OSBPL10: variants seen among roughly 807,000 people sequenced by gnomAD.
OSBPL10 encodes oxysterol-binding protein-related protein 10.
OSBPL10 carries 49 observed loss-of-function variants against 81.7 expected under a neutral mutation model. That is an observed-to-expected ratio of 0.60 (90% CI 0.48 to 0.76). OSBPL10 has a LOEUF of 0.76. Among genes scored for constraint, OSBPL10 ranks in the 30% least tolerant of loss-of-function variants. The pLI, the probability that OSBPL10 is intolerant of heterozygous loss-of-function variation, is 0.00. For missense variants in OSBPL10, 923 were observed against 987.8 expected (o/e 0.93, Z 0.88); for synonymous variants, 419 against 383.6 (o/e 1.09, Z -1.08).
intron 3 of OSBPL10, among the ~76,000 whole-genome samples, chr3:31,855,159 G>C (rs1700878096): frequency 1.3e-5 from 2 of 151,958 alleles, no homozygotes; most frequent in Non-Finnish European, 1.5e-5. Context: ...CTAAGTAGCT[G>C]GGACTAAAGC....
intron 7 of OSBPL10, among the ~76,000 whole-genome samples, chr3:31,692,344 C>T (rs909685371): frequency 1.3e-5 from 2 of 152,142 alleles, no homozygotes; most frequent in African/African-American, 4.8e-5. Flanking sequence ...TAGTCCAGTG[C>T]CTACCTAGTA....
intron 2 of OSBPL10, among the ~76,000 whole-genome samples, chr3:32,035,472 G>A (rs1004253560): frequency 2.1e-5 from 3 of 145,844 alleles, no homozygotes; most frequent in Non-Finnish European, 3.0e-5. Flanking sequence ...TGAGGCAGGA[G>A]AATGGCTTGA....
At chr3:31,710,216 T>C (rs185009592) in intron 6 of OSBPL10, among the ~76,000 whole-genome samples, 17 of 152,264 alleles carry the variant, frequency 1.1e-4, no homozygotes, top group Non-Finnish European at 2.2e-4. Context: ...ACCTCTCATA[T>C]CTGAGAGGCC....
chr3:31,971,302 G>A (rs1019278941), intron 1 of OSBPL10, among the ~76,000 whole-genome samples: 15 of 151,886 alleles, frequency 9.9e-5, no homozygotes, highest in African/African-American at 2.4e-4. Context: ...CACCATGCCC[G>A]CTAATTGTTG....
chr3:31,775,313 G>A (rs1038419816), intron 4 of OSBPL10, among the ~76,000 whole-genome samples: 6 of 152,252 alleles, frequency 3.9e-5, no homozygotes, highest in South Asian at 4.2e-4. Flanking sequence ...TGAGAACCAT[G>A]GAACCCAAGC....
intron 8 of OSBPL10, among the ~76,000 whole-genome samples, chr3:31,671,778 C>T (rs1285355316): frequency 6.6e-6 from 1 of 152,082 alleles, no homozygotes; most frequent in East Asian, 1.9e-4. Context: ...GGAACAGGGC[C>T]ACAGTTTTCA....
chr3:31,676,140 G>A (rs1198338645), intron 8 of OSBPL10, among the ~76,000 whole-genome samples: 2 of 151,986 alleles, frequency 1.3e-5, no homozygotes, highest in African/African-American at 2.4e-5. Flanking sequence ...GGAGGTCAGT[G>A]AGCCTCAGAG....
At position 32,022,760 on chromosome 3, in the gene OSBPL10, C is replaced by T. The variant is rs1699372114; in HGVS notation, n.298+23731G>A. 2.0e-5 allele frequency among the ~76,000 whole-genome samples: 3 copies of T among 151,706 alleles called. No individual in the cohort carries two copies. In the South Asian group the frequency reaches 6.2e-4, roughly 32 times the overall value. On this transcript the variant is annotated intron_variant and non_coding_transcript_variant, in intron 2 of 3. Coordinates refer to the OSBPL10 transcript ENST00000479173. ...ACACACTGCACTCCAGCCTGGGTGACAGAGCAAGATGCTGCAAAAAAAAAA... is the reference window on the plus strand; with the variant it reads ...ACACACTGCACTCCAGCCTGGGTGATAGAGCAAGATGCTGCAAAAAAAAAA...
At chr3:31,929,999 C>CA (rs200754356) in intron 1 of OSBPL10, among the ~76,000 whole-genome samples, 969 of 27,926 alleles carry the variant, frequency 0.035, 86 homozygotes, top group African/African-American at 0.072. Flanking sequence ...ACCCTGTCAC[C>CA]AACCAAAAAA....
intron 4 of OSBPL10, 143 bp downstream of exon 4, chr3:31,829,897 G>A (rs1286681360): frequency 4.8e-5 from 38 of 785,164 alleles, no homozygotes; most frequent in Admixed American, 3.0e-4. Flanking sequence ...AGGAAGGACC[G>A]TCACAGCCGT....
intron 6 of OSBPL10, among the ~76,000 whole-genome samples, chr3:31,729,945 C>A (rs138764621): frequency 2.6e-5 from 4 of 152,350 alleles, no homozygotes; most frequent in African/African-American, 7.2e-5. Context: ...GTCTCCAAAT[C>A]TCACACAAAT....
chr3:31,799,267 C>A (rs4073878), intron 4 of OSBPL10, among the ~76,000 whole-genome samples: 1 of 149,858 alleles, frequency 6.7e-6, no homozygotes, highest in African/African-American at 2.5e-5. Flanking sequence ...TTAAGAGTAG[C>A]GTGATGGTAC....
chr3:31,723,148 A>T (rs973641455), intron 6 of OSBPL10, among the ~76,000 whole-genome samples: 3 of 152,220 alleles, frequency 2.0e-5, no homozygotes, highest in Non-Finnish European at 4.4e-5. Context: ...GCCAATAGAG[A>T]GAACTTTATG....
chr3:31,879,556 G>C, intron 2 of OSBPL10, 99 bp downstream of exon 2: 1 of 1,296,926 alleles, frequency 7.7e-7, no homozygotes, highest in Non-Finnish European at 1.1e-6. Context: ...ACAGCAAACT[G>C]TCAAAGGCAA....
intron 4 of OSBPL10, among the ~76,000 whole-genome samples, chr3:31,812,151 C>T (rs1476889074): frequency 6.6e-6 from 1 of 152,178 alleles, no homozygotes; most frequent in African/African-American, 2.4e-5. Flanking sequence ...CCTGCCTCAG[C>T]CTCCTGAATA....
chr3:31,870,819 T>C (rs1701303803), intron 3 of OSBPL10, among the ~76,000 whole-genome samples: 1 of 152,088 alleles, frequency 6.6e-6, no homozygotes, highest in Non-Finnish European at 1.5e-5. Context: ...TGTATCTAGC[T>C]CAAGGTTTGT....
chr3:31,950,388 A>C (rs532975093), intron 1 of OSBPL10, among the ~76,000 whole-genome samples: 1 of 152,320 alleles, frequency 6.6e-6, no homozygotes, highest in East Asian at 1.9e-4. Flanking sequence ...TCAGAGATAC[A>C]CAAATTAAGA....
intron 6 of OSBPL10, among the ~76,000 whole-genome samples, chr3:31,729,675 A>G (rs1421395247): frequency 6.6e-6 from 1 of 151,488 alleles, no homozygotes; most frequent in Admixed American, 6.6e-5. Context: ...CACCTCAACC[A>G]CCCAAAGTGC....
intron 1 of OSBPL10, among the ~76,000 whole-genome samples, chr3:31,973,830 G>A (rs1319358081): frequency 1.3e-5 from 2 of 152,170 alleles, no homozygotes; most frequent in Admixed American, 1.3e-4. Context: ...CTAATGCTAG[G>A]TATTTACCCA....
Sources: allele counts gnomAD v4.1 joint callset (sites outside exome capture counted in the v4.1 genomes callset), GRCh38; gene constraint gnomAD v4.1.1; transcripts MANE v1.5; gene names NCBI Gene and HGNC (gene_info 2026-07-23, HGNC 2026-07-21).